Variants in RAB27B observed in about 807,000 individuals in gnomAD.
RAB27B encodes RAB27B, member RAS oncogene family.
A neutral mutation model predicts 24.6 loss-of-function variants in RAB27B; 15 were observed. The observed-to-expected ratio is 0.61, with a 90% CI of 0.41 to 0.94. The LOEUF (loss-of-function observed/expected upper bound fraction) is 0.94, where lower values mean the gene tolerates loss of function less well. Among genes scored for constraint, RAB27B ranks in the 40% least tolerant of loss-of-function variants. The pLI, the probability that RAB27B is intolerant of heterozygous loss-of-function variation, is 0.00. For missense variants in RAB27B, 261 were observed against 266.8 expected (o/e 0.98, Z 0.15); for synonymous variants, 105 against 92.5 (o/e 1.14, Z -0.78).
rs1217369147 is a variant in RAB27B at position 54,890,579 on chromosome 18, T to G, written c.*1166T>G. On this transcript the variant is annotated 3_prime_UTR_variant, in exon 6 of 6. Transcript: ENST00000262094. ...TTGCAGAAATGCAGGTGTGTTACTT[T>G]GTTGATCAATAACTTTGGAACAATT... 6.6e-6 allele frequency: 1 copy of G among 152,214 alleles called. No individual in the cohort carries two copies. Among genetic ancestry groups the G allele is most frequent in the South Asian group, 2.1e-4 (1 of 4,838 alleles). The allele number at this position is 152,214 out of a possible 1,614,324, so 9.4% of individuals were successfully genotyped here. A position where few individuals can be genotyped will look rare whatever the true frequency, so the allele number is the denominator to read the frequency against.
At chr18:54,809,356 A>T (rs779600524) in intron 2 of RAB27B, among the ~76,000 whole-genome samples, 3 of 152,056 alleles carry the variant, frequency 2.0e-5, no homozygotes, top group African/African-American at 7.2e-5. Flanking sequence ...AAGAGCTGCT[A>T]CCCCTATAAA....
chr18:54,816,529 A>C (rs1413033074), intron 2 of RAB27B, among the ~76,000 whole-genome samples: 1 of 152,188 alleles, frequency 6.6e-6, no homozygotes, highest in Admixed American at 6.5e-5. Context: ...GTTTAAGCAA[A>C]TATTTTATTT....
intron 2 of RAB27B, among the ~76,000 whole-genome samples, chr18:54,799,098 C>T (rs192337637): frequency 7.6e-4 from 116 of 152,156 alleles, no homozygotes; most frequent in African/African-American, 2.6e-3. Flanking sequence ...ATGCTTAGAA[C>T]GAGTTATAAA....
rs532275789 is a variant in RAB27B, at chr18:54,839,693, C to T, written c.-20+10993C>T. ...AGATGCTGAGAGTATACCTAAAATC[C>T]AACACTAATTAAGAAAAGTCTAAGA... On this transcript the variant is annotated intron_variant, in intron 1 of 5. Transcript: ENST00000262094. Among the ~76,000 whole-genome samples, 7 of 152,254 alleles carry T rather than the reference C, an allele frequency of 4.6e-5. No homozygotes were observed. In the South Asian group the frequency reaches 1.5e-3, roughly 32 times the overall value.
rs78158824 is a variant in RAB27B at position 54,803,392 on chromosome 18, A to G, written c.-19-74175A>G. On this transcript the variant is annotated intron_variant, in intron 2 of 4. Transcript: ENST00000586570. ...AAGAAGGCCAGTGTGGCCAGAGTGC[A>G]GCAAGCAAGAGGGCATGAGAACAAT... 3.0e-3 allele frequency among the ~76,000 whole-genome samples: 452 copies of G among 152,310 alleles called. 2 individuals carry two copies. Among genetic ancestry groups the G allele is most frequent in the African/African-American group, 0.01 (427 of 41,580 alleles).
At chr18:54,833,701 G>A (rs1910783814) in intron 1 of RAB27B, among the ~76,000 whole-genome samples, 1 of 152,210 alleles carries the variant, frequency 6.6e-6, no homozygotes, top group Non-Finnish European at 1.5e-5. Flanking sequence ...TGTGAGGAAA[G>A]GGCATTTCAG....
intron 1 of RAB27B, among the ~76,000 whole-genome samples, chr18:54,845,421 A>G (rs12953917): frequency 0.94 from 133,223 of 141,942 alleles, 62,989 homozygotes; most frequent in East Asian, 1. Flanking sequence ...AAAAAAAAAT[A>G]AAATAAAATC....
At position 54,723,612 on chromosome 18, in the gene RAB27B, ATAGC is replaced by A. The variant is rs1909430578; in HGVS notation, c.-20+5475_-20+5478del. On this transcript the variant is annotated intron_variant, in intron 2 of 4. Transcript: ENST00000586570. ...TGTATAATTCTGAGAGAAACAATAG[ATAGC>A]TAGAGAATTAGATAGACATAGATAG... Among the ~76,000 whole-genome samples, 5 of 152,230 alleles carry A rather than the reference ATAGC, an allele frequency of 3.3e-5. No homozygotes were observed. The South Asian group carries it at 1.0e-3, about 32-fold the overall frequency.
At chr18:54,883,491 T>C (rs1029362622) in intron 3 of RAB27B, among the ~76,000 whole-genome samples, 2 of 152,156 alleles carry the variant, frequency 1.3e-5, no homozygotes, top group Admixed American at 6.6e-5. Context: ...AAACCTTCTC[T>C]GGTCCCTACA....
chr18:54,847,105 C>A (rs1598955673), intron 1 of RAB27B, among the ~76,000 whole-genome samples: 1 of 152,198 alleles, frequency 6.6e-6, no homozygotes, highest in Admixed American at 6.5e-5. Flanking sequence ...CCCACCTCAG[C>A]CTCCCAAAGT....
intron 2 of RAB27B, among the ~76,000 whole-genome samples, chr18:54,760,892 C>A (rs935019242): frequency 6.6e-6 from 1 of 151,756 alleles, no homozygotes; most frequent in African/African-American, 2.4e-5. Context: ...GAATAATACT[C>A]TTAGGAAATG....
chr18:54,726,996 T>G (rs1176417569), intron 2 of RAB27B, among the ~76,000 whole-genome samples: 1 of 152,234 alleles, frequency 6.6e-6, no homozygotes, highest in Non-Finnish European at 1.5e-5. Context: ...TGTTTGTTTG[T>G]TTTGAGACAG....
intron 2 of RAB27B, among the ~76,000 whole-genome samples, chr18:54,822,712 T>C (rs1461572081): frequency 6.6e-6 from 1 of 152,244 alleles, no homozygotes; most frequent in African/African-American, 2.4e-5. Context: ...TTTAACTAGT[T>C]TTTAAAATTG....
intron 2 of RAB27B, among the ~76,000 whole-genome samples, chr18:54,784,801 A>G (rs1002184569): frequency 4.6e-5 from 7 of 152,094 alleles, no homozygotes; most frequent in Non-Finnish European, 8.8e-5. Flanking sequence ...TTTTTGGTAG[A>G]GTGATTTATT....
At chr18:54,870,254 A>G (rs1247703442) in intron 1 of RAB27B, among the ~76,000 whole-genome samples, 3 of 152,182 alleles carry the variant, frequency 2.0e-5, no homozygotes, top group African/African-American at 7.2e-5. Flanking sequence ...ATCATGAACA[A>G]GTAAAATTTA....
chr18:54,751,089 G>C (rs2145031883), intron 2 of RAB27B, among the ~76,000 whole-genome samples: 1 of 152,338 alleles, frequency 6.6e-6, no homozygotes, highest in South Asian at 2.1e-4. Flanking sequence ...CTGAAGTTAA[G>C]AGGGCAGTCA....
chr18:54,723,696 A>G (rs974742827), intron 2 of RAB27B, among the ~76,000 whole-genome samples: 3 of 152,340 alleles, frequency 2.0e-5, no homozygotes, highest in African/African-American at 7.2e-5. Flanking sequence ...TAAAATCCCT[A>G]GTAACACATC....
At chr18:54,722,225 T>C (rs1025442271) in intron 2 of RAB27B, among the ~76,000 whole-genome samples, 1 of 152,230 alleles carries the variant, frequency 6.6e-6, no homozygotes, top group African/African-American at 2.4e-5. Flanking sequence ...GGGTGAATTC[T>C]GTCACAGAGT....
chr18:54,725,757 A>G (rs1342167556), intron 2 of RAB27B, among the ~76,000 whole-genome samples: 5 of 151,508 alleles, frequency 3.3e-5, no homozygotes, highest in Admixed American at 3.3e-4. Flanking sequence ...AACCACCCCC[A>G]TGATTAAATT....
Sources: gnomAD v4.1 joint callset for allele counts (sites outside exome capture counted in the v4.1 genomes callset) on GRCh38, gnomAD v4.1.1 for gene constraint, MANE v1.5 for transcripts, NCBI Gene and HGNC (gene_info 2026-07-23, HGNC 2026-07-21) for gene names.